TXNL4B: variants seen among roughly 807,000 people sequenced by gnomAD.
TXNL4B encodes the protein thioredoxin like 4B.
Under a neutral mutation model 13.0 loss-of-function variants are expected in TXNL4B, and 12 were observed. The ratio of observed to expected loss-of-function variants is 0.92; its 90% CI spans 0.59 to 1.49. The LOEUF (loss-of-function observed/expected upper bound fraction) is 1.49. Among genes scored for constraint, TXNL4B ranks in the 40% most tolerant of loss-of-function variants. The probability of loss-of-function intolerance (pLI) is 0.00; values close to 1 mark genes in which losing one functional copy is unlikely to be tolerated. For synonymous variants in TXNL4B, 59 were observed against 58.9 expected (o/e 1.00, Z -0.01); for missense variants, 214 against 173.6 (o/e 1.23, Z -1.31).
rs761585677 is a variant in TXNL4B, at chr16:72,090,657, C to T, written c.93G>A (p.Gly31=). The T allele has an allele frequency of 6.8e-6, 11 of 1,614,188 alleles. No homozygotes were observed. In the South Asian group the frequency reaches 1.2e-4, roughly 18 times the overall value. Residue 31 remains glycine (G), a synonymous_variant, in exon 2 of 4, where the codon GGG becomes GGA. Coordinates refer to ENST00000268483, the MANE Select transcript of TXNL4B (RefSeq NM_017853.3). ...GCAGACAGACAGGATCTTCATCTCT[C>T]CCAAACCTGAGAACCAACACCTTCT... is the stretch of plus-strand genomic sequence containing the variant. ...TAEKVLVLRF[G]RDEDPVCLQL...
At chr16:72,090,899 C>T in intron 1 of TXNL4B, 113 bp from the exon 2 acceptor site, 1 of 850,016 alleles carries the variant, frequency 1.2e-6, no homozygotes, top group South Asian at 1.8e-5. Context: ...AAAGAAACAT[C>T]ATAGAAAGGT....
At chr16:72,092,076 A>G (rs910554278) in intron 1 of TXNL4B, among the ~76,000 whole-genome samples, 1 of 152,236 alleles carries the variant, frequency 6.6e-6, no homozygotes, top group African/African-American at 2.4e-5. Flanking sequence ...CAAATATGAA[A>G]AGGGAGGATT....
At chr16:72,093,046 G>C (rs970966325) in intron 1 of TXNL4B, among the ~76,000 whole-genome samples, 2 of 152,036 alleles carry the variant, frequency 1.3e-5, no homozygotes, top group African/African-American at 4.8e-5. Flanking sequence ...ATGTTGCCCA[G>C]GCTGGTCTCA....
intron 3 of TXNL4B, 90 bp from the exon 4 acceptor site, chr16:72,086,892 T>A (rs1028312552): frequency 9.7e-7 from 1 of 1,025,928 alleles, no homozygotes. Flanking sequence ...GAAAAACAGC[T>A]TTGTTATTTT....
intron 1 of TXNL4B, 138 bp from the exon 2 acceptor site, chr16:72,090,924 T>G (rs2041895208): frequency 1.4e-6 from 1 of 703,184 alleles, no homozygotes. Flanking sequence ...CTGTGGAGTT[T>G]CCCTCTCTTT....
rs144737445 is a variant in TXNL4B, at chr16:72,086,622, A to C, written c.*15T>G. On this transcript the variant is annotated 3_prime_UTR_variant, in exon 4 of 4. Coordinates refer to ENST00000268483, the MANE Select transcript of TXNL4B (RefSeq NM_017853.3). ...AGATGTGCCTTCTTCTTCATCTTTG[A>C]CAGCAATTAATGTACTAAATGTCTT... 6.2e-7 allele frequency: 1 copy of C among 1,603,084 alleles called. No individual in the cohort carries two copies. Among genetic ancestry groups the C allele is most frequent in the Admixed American group, 1.7e-5 (1 of 59,826 alleles).
intron 1 of TXNL4B, among the ~76,000 whole-genome samples, chr16:72,092,683 G>A (rs1176857525): frequency 6.6e-6 from 1 of 152,118 alleles, no homozygotes; most frequent in Non-Finnish European, 1.5e-5. Context: ...TGAGGCTAGG[G>A]GTGCAACTGG....
Position 72,087,720 on chromosome 16 carries a change from A to G in TXNL4B, c.285-918T>C, listed in dbSNP as rs117340090. On this transcript the variant is annotated intron_variant, in intron 3 of 3. Coordinates refer to ENST00000268483, the MANE Select transcript of TXNL4B (RefSeq NM_017853.3). ...TTGCTCTGTCACCAGACTGGAGTGT[A>G]GTGGTGCGTTCTCTGCTCACTGCAA... Among the ~76,000 whole-genome samples the G allele has an allele frequency of 3.3e-5, 5 of 151,954 alleles. No individual in the cohort carries two copies. In the East Asian group the frequency reaches 9.7e-4, roughly 29 times the overall value.
At chr16:72,090,878 C>G in intron 1 of TXNL4B, 92 bp from the exon 2 acceptor site, 1 of 1,013,268 alleles carries the variant, frequency 9.9e-7, no homozygotes, top group Non-Finnish European at 1.5e-6. Flanking sequence ...CTAATGTATT[C>G]ACATGGTATG....
chr16:72,087,315 T>A (rs1233561506), intron 3 of TXNL4B: 2 of 148,714 alleles, frequency 1.3e-5, no homozygotes, highest in Admixed American at 6.8e-5. Context: ...TCAGTGTCTA[T>A]CCTTCCAATC....
In TXNL4B at chr16:72,093,615, T is replaced by A. The variant is rs995959361; in HGVS notation, c.-286A>T. 6.6e-6 allele frequency: 1 copy of A among 152,166 alleles called. No individual in the cohort carries two copies. The highest frequency in any genetic ancestry group is 6.5e-5 in the Admixed American group (1 of 15,286). 9.4% of individuals were successfully genotyped at this position (152,166 alleles called of 1,614,324 possible). A position where few individuals can be genotyped will look rare whatever the true frequency, so the allele number is the denominator to read the frequency against. On this transcript the variant is annotated 5_prime_UTR_variant, in exon 1 of 4. Coordinates refer to ENST00000268483, the MANE Select transcript of TXNL4B (RefSeq NM_017853.3). ...GGTCGGCCCCCGCTCAACAGCCCAA[T>A]AAACGGAAGAGCTTCTAGTCACCGC...
chr16:72,093,736 G>A (rs560791772), upstream of TXNL4B: 1 of 152,358 alleles, frequency 6.6e-6, no homozygotes, highest in African/African-American at 2.4e-5. Flanking sequence ...CCCCAGACTA[G>A]AGGCGGGATG....
rs1179622285 is a variant in TXNL4B at position 72,090,723 on chromosome 16, A to T, written c.27T>A (p.Thr9=). MSFLLPKL[T]SKKEVDQAIK... is the part of the protein sequence containing the mutation. ...TCGCCTGGTCTACTTCCTTTTTGCTAGTCAGCTTGGGCAGTAGGAAGCTCA... is the reference window on the plus strand; with the variant it reads ...TCGCCTGGTCTACTTCCTTTTTGCTTGTCAGCTTGGGCAGTAGGAAGCTCA... Residue 9 remains threonine (T), a synonymous_variant, in exon 2 of 4, where the codon ACT becomes ACA. Coordinates refer to ENST00000268483, the MANE Select transcript of TXNL4B (RefSeq NM_017853.3). 3.1e-6 allele frequency: 5 copies of T among 1,614,052 alleles called. No individual in the cohort carries two copies. In the South Asian group the frequency reaches 5.5e-5, roughly 18 times the overall value.
chr16:72,089,146 TGAC>T lies in TXNL4B; in HGVS notation c.133-11_133-9del. The T allele has an allele frequency of 1.2e-6, 2 of 1,604,492 alleles. No individual in the cohort carries two copies. The highest frequency in any genetic ancestry group is 1.7e-6 in the Non-Finnish European group (2 of 1,173,696). On this transcript the variant is annotated splice_polypyrimidine_tract_variant and intron_variant, in intron 2 of 3. Transcript: ENST00000268483. ...AGAAGAGGTCTTAGAAAGCTGCAAA[TGAC>T]GAGAGAGACAAAGGTTACAATATGA...
chr16:72,087,607 C>T (rs887894109), intron 3 of TXNL4B, among the ~76,000 whole-genome samples: 1 of 152,030 alleles, frequency 6.6e-6, no homozygotes, highest in Non-Finnish European at 1.5e-5. Context: ...TTAATACTTA[C>T]ATCAAATGTG....
At chr16:72,088,907 A>G (rs1194471310) in intron 3 of TXNL4B, 80 bp downstream of exon 3, 8 of 1,152,668 alleles carry the variant, frequency 6.9e-6, no homozygotes, top group Non-Finnish European at 1.0e-5. Flanking sequence ...CCAACATCAC[A>G]TGGAAATAGG....
intron 3 of TXNL4B, 48 bp downstream of exon 3, chr16:72,088,939 C>T (rs375475294): frequency 1.6e-5 from 24 of 1,503,724 alleles, no homozygotes; most frequent in Non-Finnish European, 2.2e-5. Flanking sequence ...AAATGCTTAC[C>T]AAGGAAACTT....
intron 3 of TXNL4B, 64 bp downstream of exon 3, chr16:72,088,923 T>C: frequency 1.5e-6 from 2 of 1,307,764 alleles, no homozygotes; most frequent in East Asian, 2.3e-5. Flanking sequence ...ATAGGCAAGC[T>C]ACTGAAAATG....
At chr16:72,089,179 C>A in intron 2 of TXNL4B, 41 bp from the exon 3 acceptor site, 9 of 1,549,960 alleles carry the variant, frequency 5.8e-6, no homozygotes, top group Non-Finnish European at 7.9e-6. Context: ...ATATGAGAGG[C>A]AGCTTAATGT....
Sources: gnomAD v4.1 joint callset for allele counts (sites outside exome capture counted in the v4.1 genomes callset) on GRCh38, gnomAD v4.1.1 for gene constraint, MANE v1.5 for transcripts, NCBI Gene and HGNC (gene_info 2026-07-23, HGNC 2026-07-21) for gene names.